The following ANKIB1 variants were observed in gnomAD, a reference collection of about 807,000 sequenced individuals.
The protein encoded by ANKIB1 is ankyrin repeat and IBR domain containing 1.
In ANKIB1, 43 loss-of-function variants were observed where a neutral mutation model predicts 122.1. The observed-to-expected ratio is 0.35, with a 90% CI of 0.28 to 0.45. ANKIB1 has a LOEUF of 0.45. Among genes scored for constraint, ANKIB1 ranks in the 20% least tolerant of loss-of-function variants. ANKIB1 has a pLI of 1.00. For synonymous variants in ANKIB1, 390 were observed against 442.0 expected, an observed-to-expected ratio of 0.88 and a Z score of 1.48; for missense variants, 992 against 1,329.5, an observed-to-expected ratio of 0.75 and a Z score of 3.95.
chr7:92,321,296 T>C (rs969133911), intron 4 of ANKIB1, among the ~76,000 whole-genome samples: 1 of 152,214 alleles, frequency 6.6e-6, no homozygotes, highest in Admixed American at 6.5e-5. Flanking sequence ...TTTTGAAATA[T>C]ACAATACATT....
chr7:92,307,872 G>A (rs1272532269), intron 3 of ANKIB1, among the ~76,000 whole-genome samples: 8 of 134,048 alleles, frequency 6.0e-5, no homozygotes, highest in African/African-American at 2.3e-4. Flanking sequence ...GGAGTGCAGT[G>A]GTGTGATCTT....
In ANKIB1 at chr7:92,365,050, A is replaced by G. The variant is rs373527170; in HGVS notation, c.1486+2777A>G. On this transcript the variant is annotated intron_variant, in intron 10 of 19. Transcript: ENST00000265742. Reference sequence around the variant, plus strand: ...ACTCAGAAAAGATGCTAAGAAACTTAGGAATAAATTGTTAATTTTAAATGT... The same window carrying G: ...ACTCAGAAAAGATGCTAAGAAACTTGGGAATAAATTGTTAATTTTAAATGT... 3.2e-4 allele frequency among the ~76,000 whole-genome samples: 48 copies of G among 152,368 alleles called. 1 individual carries two copies. Among genetic ancestry groups the G allele is most frequent in the African/African-American group, 9.9e-4 (41 of 41,592 alleles).
intron 11 of ANKIB1, among the ~76,000 whole-genome samples, chr7:92,371,855 A>G (rs893964717): frequency 6.6e-6 from 1 of 152,000 alleles, no homozygotes; most frequent in Non-Finnish European, 1.5e-5. Flanking sequence ...GTAAGAACCT[A>G]TGGTATTCAA....
intron 3 of ANKIB1, among the ~76,000 whole-genome samples, chr7:92,308,316 T>C (rs951726955): frequency 5.9e-5 from 9 of 152,212 alleles, no homozygotes; most frequent in Non-Finnish European, 1.0e-4. Context: ...AATTAAGCAC[T>C]ATCGTATTTA....
chr7:92,294,138 T>A (rs979666047), intron 1 of ANKIB1, among the ~76,000 whole-genome samples: 1 of 152,204 alleles, frequency 6.6e-6, no homozygotes, highest in South Asian at 2.1e-4. Context: ...CACTTCACAT[T>A]GCTTCAGTAG....
intron 1 of ANKIB1, among the ~76,000 whole-genome samples, chr7:92,263,346 ACAGT>A (rs1034650347): frequency 5.3e-5 from 8 of 152,224 alleles, no homozygotes; most frequent in Admixed American, 2.0e-4. Flanking sequence ...GTACAGTTTT[ACAGT>A]CAGTTTTTGA....
intron 1 of ANKIB1, among the ~76,000 whole-genome samples, chr7:92,291,043 C>G (rs775548042): frequency 2.6e-3 from 390 of 152,238 alleles, no homozygotes; most frequent in Non-Finnish European, 4.5e-3. Context: ...CCTGTAATGT[C>G]AGCACTTTGG....
In ANKIB1 at chr7:92,344,968, T is replaced by C. The variant is rs1247129484; in HGVS notation, c.997-10T>C. The C allele has an allele frequency of 6.3e-7, 1 of 1,593,280 alleles. No individual in the cohort carries two copies. The highest frequency in any genetic ancestry group is 8.6e-7 in the Non-Finnish European group (1 of 1,163,502). On this transcript the variant is annotated splice_polypyrimidine_tract_variant and intron_variant, in intron 6 of 19. Coordinates refer to ENST00000265742, the MANE Select transcript of ANKIB1 (RefSeq NM_019004.2). The stretch of plus-strand genomic sequence containing the variant: ...TTTCTGTTTAAATCATTGTTCTTCT[T>C]CATCTCCAGTGTGACATTTGTATGT...
intron 11 of ANKIB1, among the ~76,000 whole-genome samples, chr7:92,379,920 G>T (rs1047232926): frequency 1.3e-5 from 2 of 152,168 alleles, no homozygotes; most frequent in Non-Finnish European, 1.5e-5. Flanking sequence ...CACACGAAGG[G>T]CAAGCCGAAG....
chr7:92,365,330 A>G (rs1187955334), intron 10 of ANKIB1, among the ~76,000 whole-genome samples: 2 of 152,240 alleles, frequency 1.3e-5, no homozygotes, highest in Non-Finnish European at 2.9e-5. Flanking sequence ...ATTGATGCTC[A>G]AGCTGCATGT....
Position 92,288,721 on chromosome 7 carries a change from C to T in ANKIB1, c.-90-6168C>T, listed in dbSNP as rs898766432. On this transcript the variant is annotated intron_variant, in intron 1 of 19. Coordinates refer to ENST00000265742, the MANE Select transcript of ANKIB1 (RefSeq NM_019004.2). The stretch of plus-strand genomic sequence containing the variant: ...GAAAGATTTATTTAAACAGACACTT[C>T]ACAAATCAAGATGTATGCATGGCAA... Among the ~76,000 whole-genome samples, 28 of 152,032 alleles carry T rather than the reference C, an allele frequency of 1.8e-4. 1 individual carries two copies. The highest frequency in any genetic ancestry group is 6.0e-4 in the African/African-American group (25 of 41,380).
intron 10 of ANKIB1, among the ~76,000 whole-genome samples, chr7:92,365,776 A>G (rs1446900332): frequency 1.4e-5 from 2 of 142,180 alleles, no homozygotes; most frequent in South Asian, 2.3e-4. Context: ...GTTATAAGAT[A>G]TATTAAATAA....
chr7:92,336,444 C>T (rs543304652), intron 5 of ANKIB1, among the ~76,000 whole-genome samples: 10 of 151,866 alleles, frequency 6.6e-5, no homozygotes, highest in Non-Finnish European at 1.2e-4. Context: ...TTACTAATTC[C>T]AATATATGGA....
intron 1 of ANKIB1, among the ~76,000 whole-genome samples, chr7:92,263,625 C>G (rs1801607761): frequency 6.6e-6 from 1 of 152,072 alleles, no homozygotes. Context: ...CTGTCAATAC[C>G]TCTCTCAAGT....
chr7:92,266,617 G>A (rs900988340), intron 1 of ANKIB1, among the ~76,000 whole-genome samples: 6 of 152,138 alleles, frequency 3.9e-5, no homozygotes, highest in South Asian at 4.1e-4. Context: ...CTCCACCAGC[G>A]GAACTCACTG....
chr7:92,372,217 G>GA (rs1804283417), intron 11 of ANKIB1, among the ~76,000 whole-genome samples: 2 of 151,836 alleles, frequency 1.3e-5, no homozygotes, highest in African/African-American at 4.8e-5. Context: ...AATACTTAGG[G>GA]AAAAAAATTG....
chr7:92,274,857 G>A (rs138948742), intron 1 of ANKIB1, among the ~76,000 whole-genome samples: 1 of 152,254 alleles, frequency 6.6e-6, no homozygotes, highest in East Asian at 1.9e-4. Flanking sequence ...AGCCCAGGAG[G>A]TGAAGACTGC....
Position 92,295,081 on chromosome 7 carries a change from G to A in ANKIB1, c.103G>A (p.Asp35Asn). ...CAATCCTCAGCTAAAAGAATCTCTTGATCCAAATACATCTTATGGGGAGCC... is the reference window on the plus strand; with the variant it reads ...CAATCCTCAGCTAAAAGAATCTCTTAATCCAAATACATCTTATGGGGAGCC... ...ENNPQLKESLDPNTSYGEPYQ... is the reference protein window; with the variant it reads ...ENNPQLKESLNPNTSYGEPYQ... Residue 35 changes from aspartate (D) to asparagine (N), a missense_variant, in exon 2 of 20, where the codon GAT becomes AAT. Physicochemically the swap from Asp to Asn is conservative, Grantham distance 23. Around this residue, in one of 4 missense-constraint regions of ANKIB1, gnomAD observed 54 missense variants for 112.3 expected, o/e 0.48. Transcript: ENST00000265742. The A allele has an allele frequency of 6.3e-7, 1 of 1,591,926 alleles. No individual in the cohort carries two copies. Among genetic ancestry groups the A allele is most frequent in the Non-Finnish European group, 8.6e-7 (1 of 1,168,620 alleles).
intron 11 of ANKIB1, among the ~76,000 whole-genome samples, chr7:92,379,520 G>A (rs1291082997): frequency 6.6e-6 from 1 of 152,080 alleles, no homozygotes; most frequent in Non-Finnish European, 1.5e-5. Flanking sequence ...AATTCAAACA[G>A]TGTAGTGCTG....
Sources: gnomAD v4.1 joint callset for allele counts (sites outside exome capture counted in the v4.1 genomes callset) on GRCh38, gnomAD v4.1.1 for gene constraint, gnomAD v4.1.1 regional missense constraint, MANE v1.5 for transcripts, NCBI Gene and HGNC (gene_info 2026-07-23, HGNC 2026-07-21) for gene names.